The following DST variants were observed in gnomAD, a reference collection of about 807,000 sequenced individuals.
DST encodes the protein dystonin, also known as bullous pemphigoid antigen.
In DST, 253 loss-of-function variants were observed where a neutral mutation model predicts 875.2. The observed-to-expected ratio is 0.29, with a 90% CI of 0.26 to 0.32. DST has a LOEUF of 0.32. DST is among the 10% of genes least tolerant of loss of function. The pLI, the probability that DST is intolerant of heterozygous loss-of-function variation, is 1.00. For synonymous variants in DST, 3,124 were observed against 3,197.1 expected, an observed-to-expected ratio of 0.98 and a Z score of 0.77; for missense variants, 8,287 against 9,111.6, an observed-to-expected ratio of 0.91 and a Z score of 3.68.
In DST at chr6:56,640,171, T is replaced by A. The variant is rs1468450534; in HGVS notation, c.2462A>T (p.Asp821Val). 1.9e-6 allele frequency: 3 copies of A among 1,613,986 alleles called. No homozygotes were observed. Among genetic ancestry groups the A allele is most frequent in the Admixed American group, 1.7e-5 (1 of 59,984 alleles). ...EEEINMKFVQ[D>V]LLNWVDEMQV... ...CATCTCATCAACCCAATTCAAAAGA[T>A]CCTGAACAAATTTCATATTGATTTC... The change falls in exon 18 of 104, where the codon GAT becomes GTT. Residue 821 changes from aspartate to valine, a missense_variant. By Grantham distance (152) the Asp-to-Val change is radical. This residue lies in a region of DST where 1,160 missense variants were observed against 1,424.3 expected (regional missense o/e 0.81). Coordinates refer to ENST00000680361, the MANE Select transcript of DST (RefSeq NM_001374736.1).
chr6:56,619,968 GT>G, intron 36 of DST: 1 of 1,614,062 alleles, frequency 6.2e-7, no homozygotes, highest in Non-Finnish European at 8.5e-7. Context: ...TGCTTGTCAT[GT>G]TCTTGCTGGA....
At chr6:56,612,786 T>C (rs900650390) in intron 37 of DST, among the ~76,000 whole-genome samples, 6 of 152,234 alleles carry the variant, frequency 3.9e-5, no homozygotes, top group African/African-American at 1.4e-4. Context: ...ATTATCTGCA[T>C]TAAGAATGTA....
chr6:56,951,638 A>G (rs1387839618), intron 2 of DST, among the ~76,000 whole-genome samples: 1 of 152,190 alleles, frequency 6.6e-6, no homozygotes, highest in Non-Finnish European at 1.5e-5. Flanking sequence ...ATTCTTTTGC[A>G]ACACAGTCCC....
intron 13 of DST, among the ~76,000 whole-genome samples, chr6:56,647,687 T>A (rs1163393353): frequency 1.5e-5 from 2 of 131,790 alleles, no homozygotes; most frequent in African/African-American, 6.9e-5. Flanking sequence ...CTTTTTGTAA[T>A]GTTTTTTTTT....
intron 4 of DST, among the ~76,000 whole-genome samples, chr6:56,825,633 A>G (rs1488429639): frequency 6.6e-6 from 1 of 151,946 alleles, no homozygotes; most frequent in Non-Finnish European, 1.5e-5. Flanking sequence ...TACTATTTCC[A>G]TATCATCTCT....
intron 21 of DST, 24 bp from the exon 22 acceptor site, chr6:56,639,387 T>C: frequency 6.2e-7 from 1 of 1,612,576 alleles, no homozygotes. Flanking sequence ...TTAAGAAGTG[T>C]GTTAGAAAAA....
At chr6:56,706,606 C>G (rs1362987186) in intron 5 of DST, among the ~76,000 whole-genome samples, 2 of 152,110 alleles carry the variant, frequency 1.3e-5, no homozygotes, top group African/African-American at 2.4e-5. Flanking sequence ...TCCACAGATG[C>G]AGGGGAGGGT....
rs200056040 is a variant in DST at position 56,552,984 on chromosome 6, T to C, written c.15808A>G (p.Asn5270Asp). ...AATTCTTTAAACTTCTGAGTCATGT[T>C]CTCCAGACAGAATTTCTTACTGTGA... The part of the protein sequence containing the change: ...QLHSKKFCLE[N>D]MTQKFKEFQE... The change falls in exon 61 of 104, where the codon AAC becomes GAC. Residue 5270 changes from asparagine (N) to aspartate (D), a missense_variant. Around this residue, in one of 10 missense-constraint regions of DST, gnomAD observed 1,513 missense variants for 1,677.8 expected, o/e 0.90. Transcript: ENST00000680361. The C allele has an allele frequency of 8.1e-6, 13 of 1,613,992 alleles. No individual in the cohort carries two copies. The East Asian group carries it at 1.8e-4, about 22-fold the overall frequency.
rs1328281658 is a variant in DST at position 56,895,089 on chromosome 6, T to C, written c.417+5332A>G. 7.4e-3 allele frequency among the ~76,000 whole-genome samples: 710 copies of C among 96,238 alleles called. 17 individuals are homozygous for C. Among genetic ancestry groups the C allele is most frequent in the Non-Finnish European group, 0.011 (548 of 50,138 alleles). The allele number at this position is 96,238 out of a possible 152,430, so 63.1% of individuals were successfully genotyped here. ...TGGCCGGGCAGAGGGGCTCCTCACT[T>C]CCCAGTAGGGGCGGCCGGGCAGAGG... On this transcript the variant is annotated intron_variant, in intron 3 of 103. Coordinates refer to ENST00000680361, the MANE Select transcript of DST (RefSeq NM_001374736.1).
At chr6:56,587,286 C>T (rs1333589100) in intron 49 of DST, among the ~76,000 whole-genome samples, 12 of 151,918 alleles carry the variant, frequency 7.9e-5, no homozygotes, top group South Asian at 2.1e-4. Context: ...GGAGCCGATG[C>T]GATCAACTGG....
At position 56,555,814 on chromosome 6, in the gene DST, C is replaced by T; in HGVS notation, c.14667G>A (p.Arg4889=). The T allele has an allele frequency of 6.7e-7, 1 of 1,502,750 alleles. No homozygotes were observed. Among genetic ancestry groups the T allele is most frequent in the Non-Finnish European group, 8.9e-7 (1 of 1,124,284 alleles). The allele number at this position is 1,502,750 out of a possible 1,614,324, so 93.1% of individuals were successfully genotyped here. A position where few individuals can be genotyped will look rare whatever the true frequency, so the allele number is the denominator to read the frequency against. The part of the protein sequence containing the change: ...VQILLQEFAT[R]KPQYEQLTAA... Reference sequence around the variant, plus strand: ...CTGTCAGCTGTTCATATTGAGGTTTCCGAGTGGCGAATTCTTGCAGCAAAA... The same window carrying T: ...CTGTCAGCTGTTCATATTGAGGTTTTCGAGTGGCGAATTCTTGCAGCAAAA... The change falls in exon 60 of 104, where the codon CGG becomes CGA. Residue 4889 remains arginine (R), a synonymous_variant. Coordinates refer to ENST00000680361, the MANE Select transcript of DST (RefSeq NM_001374736.1).
At chr6:56,831,649 C>T (rs1217292736) in intron 4 of DST, among the ~76,000 whole-genome samples, 2 of 152,102 alleles carry the variant, frequency 1.3e-5, no homozygotes, top group African/African-American at 2.4e-5. Flanking sequence ...TGTTCCTCTT[C>T]CTTCTGTAGG....
chr6:56,935,723 C>G (rs899819664), intron 2 of DST, among the ~76,000 whole-genome samples: 2 of 152,036 alleles, frequency 1.3e-5, no homozygotes, highest in African/African-American at 4.8e-5. Context: ...GTCAAGAGAT[C>G]GAGACCATCC....
At chr6:56,570,679 C>T (rs1368365419) in intron 53 of DST, among the ~76,000 whole-genome samples, 1 of 152,064 alleles carries the variant, frequency 6.6e-6, no homozygotes, top group Non-Finnish European at 1.5e-5. Context: ...GGTTAGGGGA[C>T]CCCTGAGCTA....
chr6:56,720,919 G>T (rs908721011), intron 5 of DST, among the ~76,000 whole-genome samples: 2 of 147,490 alleles, frequency 1.4e-5, no homozygotes, highest in Non-Finnish European at 2.9e-5. Context: ...TCACTTCCCA[G>T]ATGGGGCGGC....
At chr6:56,585,377 T>C (rs2098126127) in intron 49 of DST, among the ~76,000 whole-genome samples, 1 of 152,224 alleles carries the variant, frequency 6.6e-6, no homozygotes. Flanking sequence ...CTAGTGTATT[T>C]GCGTAGAGGT....
At chr6:56,927,546 T>C (rs1426265723) in intron 2 of DST, among the ~76,000 whole-genome samples, 2 of 152,162 alleles carry the variant, frequency 1.3e-5, no homozygotes, top group East Asian at 3.8e-4. Context: ...ATTAAAAGAA[T>C]ACAATATGAT....
At chr6:56,539,836 T>C (rs1016803708) in intron 61 of DST, among the ~76,000 whole-genome samples, 4 of 152,202 alleles carry the variant, frequency 2.6e-5, no homozygotes, top group Non-Finnish European at 5.9e-5. Flanking sequence ...AAGTCCTTAA[T>C]GTGGATAGAG....
intron 86 of DST, among the ~76,000 whole-genome samples, chr6:56,489,148 G>A (rs1212824462): frequency 6.6e-6 from 1 of 152,140 alleles, no homozygotes; most frequent in Non-Finnish European, 1.5e-5. Context: ...GTCTGTCAAA[G>A]AAAGTACAGG....
Sources: gnomAD v4.1 joint callset for allele counts (sites outside exome capture counted in the v4.1 genomes callset) on GRCh38, gnomAD v4.1.1 for gene constraint, gnomAD v4.1.1 regional missense constraint, MANE v1.5 for transcripts, NCBI Gene and HGNC (gene_info 2026-07-23, HGNC 2026-07-21) for gene names.